RASA3: variants seen among roughly 807,000 people sequenced by gnomAD.
RASA3 encodes the protein RAS p21 protein activator 3, also known as ras GTPase-activating protein 3.
A neutral mutation model predicts 110.0 loss-of-function variants in RASA3; 73 were observed. That is an observed-to-expected ratio of 0.66 (90% CI 0.55 to 0.81). RASA3 has a LOEUF of 0.81. Among genes scored for constraint, RASA3 ranks in the 30% least tolerant of loss-of-function variants. The pLI, the probability that RASA3 is intolerant of heterozygous loss-of-function variation, is 0.00. For missense variants in RASA3, 976 were observed against 1,113.2 expected (o/e 0.88, Z 1.75); for synonymous variants, 500 against 451.4 (o/e 1.11, Z -1.37).
chr13:113,992,459 C>T (rs774484145), intron 22 of RASA3, 26 bp downstream of exon 22: 8 of 1,591,642 alleles, frequency 5.0e-6, no homozygotes, highest in Admixed American at 5.0e-5. Flanking sequence ...CCTCGCTGCA[C>T]AGATCTGTGT....
At chr13:114,035,340 C>T (rs761453331) in intron 4 of RASA3, among the ~76,000 whole-genome samples, 62 of 152,334 alleles carry the variant, frequency 4.1e-4, no homozygotes, top group Non-Finnish European at 8.1e-4. Context: ...AGGTCCCTGG[C>T]GCTGCACTCC....
intron 2 of RASA3, among the ~76,000 whole-genome samples, chr13:114,069,455 T>G (rs2079516931): frequency 1.6e-5 from 1 of 63,230 alleles, no homozygotes; most frequent in Non-Finnish European, 2.9e-5. Context: ...ACCGGGAGAC[T>G]TGGGGGGCTG....
At chr13:114,037,509 G>C (rs1020767321) in intron 4 of RASA3, among the ~76,000 whole-genome samples, 1 of 152,124 alleles carries the variant, frequency 6.6e-6, no homozygotes. Context: ...GGACGGGAGC[G>C]TGTGAATAAA....
chr13:114,068,152 G>A (rs568353155), intron 2 of RASA3, among the ~76,000 whole-genome samples: 2 of 152,340 alleles, frequency 1.3e-5, no homozygotes, highest in East Asian at 3.9e-4. Flanking sequence ...TTGTGGCCAC[G>A]GCCCCTTCTC....
chr13:114,025,112 C>T (rs894447317), intron 7 of RASA3, among the ~76,000 whole-genome samples: 11 of 152,224 alleles, frequency 7.2e-5, no homozygotes, highest in Non-Finnish European at 1.0e-4. Context: ...CCGTCCTGCC[C>T]GGCCTCCCTC....
intron 7 of RASA3, among the ~76,000 whole-genome samples, chr13:114,026,745 T>C (rs1393512694): frequency 6.6e-6 from 1 of 152,238 alleles, no homozygotes; most frequent in East Asian, 1.9e-4. Flanking sequence ...GGAATGTTTG[T>C]GGATGGGAAG....
chr13:114,021,837 A>G (rs1375785875), intron 8 of RASA3, among the ~76,000 whole-genome samples: 1 of 151,686 alleles, frequency 6.6e-6, no homozygotes, highest in Non-Finnish European at 1.5e-5. Flanking sequence ...GCTCTTACAT[A>G]GGAGGGAGCC....
intron 1 of RASA3, among the ~76,000 whole-genome samples, chr13:114,082,916 G>A (rs931185798): frequency 6.6e-6 from 1 of 152,204 alleles, no homozygotes; most frequent in Non-Finnish European, 1.5e-5. Flanking sequence ...CAAACTCACA[G>A]AGCTAATTGA....
intron 1 of RASA3, among the ~76,000 whole-genome samples, chr13:114,117,173 CAG>C (rs1292050330): frequency 4.4e-5 from 1 of 22,908 alleles, no homozygotes; most frequent in African/African-American, 1.8e-4. Flanking sequence ...ACGTGTGTGA[CAG>C]ATGCATGTGT....
chr13:114,043,783 C>G (rs1305954009), intron 3 of RASA3, among the ~76,000 whole-genome samples: 2 of 151,812 alleles, frequency 1.3e-5, no homozygotes, highest in Non-Finnish European at 1.5e-5. Flanking sequence ...TGGCGCAGAC[C>G]ACGAGGGTGG....
intron 20 of RASA3, 73 bp from the exon 21 acceptor site, chr13:113,996,812 C>T: frequency 7.4e-7 from 1 of 1,359,050 alleles, no homozygotes; most frequent in South Asian, 1.2e-5. Flanking sequence ...GTCCACCAGG[C>T]ACCTGGCCGT....
At chr13:114,076,073 T>G (rs1366583799) in intron 1 of RASA3, among the ~76,000 whole-genome samples, 1 of 151,968 alleles carries the variant, frequency 6.6e-6, no homozygotes, top group Non-Finnish European at 1.5e-5. Flanking sequence ...ACGGAGCAGC[T>G]CTCAGGGTCT....
intron 18 of RASA3, among the ~76,000 whole-genome samples, chr13:114,005,297 C>G (rs1190354901): frequency 6.6e-6 from 1 of 152,174 alleles, no homozygotes; most frequent in Non-Finnish European, 1.5e-5. Flanking sequence ...AGCAAAGCCC[C>G]GAGCGGGAGT....
intron 5 of RASA3, among the ~76,000 whole-genome samples, chr13:114,028,173 G>A (rs2054063937): frequency 6.8e-6 from 1 of 147,636 alleles, no homozygotes; most frequent in Admixed American, 6.7e-5. Flanking sequence ...CCAGCAGTGT[G>A]TGACAGCACA....
intron 2 of RASA3, among the ~76,000 whole-genome samples, chr13:114,073,385 G>A (rs113759009): frequency 6.6e-5 from 9 of 136,476 alleles, no homozygotes; most frequent in Admixed American, 7.4e-5. Flanking sequence ...CCCTACACGC[G>A]GGAAAATGGG....
intron 2 of RASA3, among the ~76,000 whole-genome samples, chr13:114,063,466 AT>A (rs1258025551): frequency 6.6e-6 from 1 of 151,908 alleles, no homozygotes; most frequent in African/African-American, 2.4e-5. Flanking sequence ...TATGTTATAA[AT>A]ATAGAAGATA....
At chr13:114,061,111 TAG>T (rs2079338022) in intron 2 of RASA3, among the ~76,000 whole-genome samples, 1 of 152,026 alleles carries the variant, frequency 6.6e-6, no homozygotes. Context: ...TAAAAGCACT[TAG>T]AGTTTTTTCA....
chr13:114,040,865 G>A (rs1417054281), intron 4 of RASA3, 135 bp downstream of exon 4: 7 of 816,648 alleles, frequency 8.6e-6, no homozygotes, highest in East Asian at 5.0e-5. Context: ...GGGCGAACAC[G>A]CAATCTGCTC....
At chr13:114,017,121 A>G in intron 12 of RASA3, 116 bp downstream of exon 12, 1 of 903,750 alleles carries the variant, frequency 1.1e-6, no homozygotes, top group South Asian at 1.4e-5. Flanking sequence ...GCGAGGCCAG[A>G]GGGGCCGACA....
Sources: gnomAD v4.1 joint callset for allele counts (sites outside exome capture counted in the v4.1 genomes callset) on GRCh38, gnomAD v4.1.1 for gene constraint, MANE v1.5 for transcripts, NCBI Gene and HGNC (gene_info 2026-07-23, HGNC 2026-07-21) for gene names.